CCDC7: variants seen among roughly 807,000 people sequenced by gnomAD.
The protein encoded by CCDC7 is coiled-coil domain-containing protein 7.
In CCDC7, 183 loss-of-function variants were observed where a neutral mutation model predicts 196.9. That is an observed-to-expected ratio of 0.93 (90% confidence interval 0.82 to 1.05). CCDC7 has a LOEUF of 1.05. CCDC7 is among the 50% of genes least tolerant of loss of function. The probability of loss-of-function intolerance (pLI) is 0.00; values close to 1 mark genes in which losing one functional copy is unlikely to be tolerated. For missense variants in CCDC7, 1,540 were observed against 1,482.2 expected, an observed-to-expected ratio of 1.04 and a Z score of -0.64; for synonymous variants, 525 against 484.6, an observed-to-expected ratio of 1.08 and a Z score of -1.10.
chr10:32,588,380 G>GTC (rs747276595), intron 18 of CCDC7, among the ~76,000 whole-genome samples: 3 of 27,218 alleles, frequency 1.1e-4, no homozygotes, highest in Non-Finnish European at 1.6e-4. Context: ...AACAGATTTT[G>GTC]TCACATGCAT....
chr10:32,705,888 C>G (rs1014430720), intron 24 of CCDC7, among the ~76,000 whole-genome samples: 3 of 152,120 alleles, frequency 2.0e-5, no homozygotes, highest in Non-Finnish European at 2.9e-5. Context: ...TAACACTCCA[C>G]TGTCAACATT....
chr10:32,523,994 A>G (rs934141395), intron 11 of CCDC7, among the ~76,000 whole-genome samples: 2 of 150,574 alleles, frequency 1.3e-5, no homozygotes, highest in African/African-American at 4.9e-5. Flanking sequence ...GTTATTATTC[A>G]TAAGTAGGGA....
chr10:32,679,021 A>T (rs901423003), intron 21 of CCDC7, among the ~76,000 whole-genome samples: 2 of 151,940 alleles, frequency 1.3e-5, no homozygotes, highest in African/African-American at 4.8e-5. Flanking sequence ...CTTATCAGAA[A>T]TTTTTTTTGA....
At chr10:32,755,436 G>A (rs994436727) in intron 28 of CCDC7, among the ~76,000 whole-genome samples, 1 of 151,816 alleles carries the variant, frequency 6.6e-6, no homozygotes, top group Non-Finnish European at 1.5e-5. Flanking sequence ...GGAAGGATTA[G>A]GGAGTAACAT....
intron 7 of CCDC7, among the ~76,000 whole-genome samples, chr10:32,472,975 C>T (rs1282280534): frequency 1.3e-5 from 2 of 152,122 alleles, no homozygotes; most frequent in Non-Finnish European, 2.9e-5. Context: ...TAAAATTATA[C>T]AATGGTAAAT....
chr10:32,806,975 C>T (rs1461189985), intron 30 of CCDC7, among the ~76,000 whole-genome samples: 1 of 152,118 alleles, frequency 6.6e-6, no homozygotes, highest in East Asian at 1.9e-4. Context: ...ACAGCACATT[C>T]AAAAAGCTAA....
intron 16 of CCDC7, chr10:32,574,302 A>T: frequency 2.0e-6 from 1 of 508,882 alleles, no homozygotes; most frequent in Non-Finnish European, 2.7e-6. Flanking sequence ...TAGGTTAATT[A>T]TTATATATTA....
chr10:32,605,914 A>C (rs961844465), intron 18 of CCDC7, among the ~76,000 whole-genome samples: 2 of 152,256 alleles, frequency 1.3e-5, no homozygotes, highest in Non-Finnish European at 2.9e-5. Context: ...AGAGATTTGC[A>C]TAGCAAAAAG....
chr10:32,798,861 A>T (rs2084182884), intron 29 of CCDC7, among the ~76,000 whole-genome samples: 1 of 152,126 alleles, frequency 6.6e-6, no homozygotes, highest in South Asian at 2.1e-4. Flanking sequence ...ATGCAGAATC[A>T]TCTGTGAACC....
At chr10:32,793,533 A>C (rs2083059732) in intron 29 of CCDC7, among the ~76,000 whole-genome samples, 1 of 152,238 alleles carries the variant, frequency 6.6e-6, no homozygotes, top group Non-Finnish European at 1.5e-5. Flanking sequence ...AAATCAAAAA[A>C]CATCTGAATG....
intron 9 of CCDC7, among the ~76,000 whole-genome samples, chr10:32,506,576 G>A (rs927620142): frequency 5.3e-5 from 8 of 152,208 alleles, no homozygotes; most frequent in African/African-American, 1.9e-4. Flanking sequence ...TGAGCATTGA[G>A]TGAGTGAGAC....
At chr10:32,567,670 G>A (rs780685764) in exon 15 of CCDC7, 3 of 1,603,658 alleles carry the variant, frequency 1.9e-6, no homozygotes, top group East Asian at 4.5e-5. Flanking sequence ...TTAAAAACAG[G>A]AAGCTGAAAA....
intron 20 of CCDC7, among the ~76,000 whole-genome samples, chr10:32,636,837 T>A: frequency 6.6e-6 from 1 of 152,184 alleles, no homozygotes; most frequent in Non-Finnish European, 1.5e-5. Context: ...TAGTTTACAG[T>A]CCCACCAACA....
At chr10:32,742,700 G>A (rs2086076303) in intron 28 of CCDC7, among the ~76,000 whole-genome samples, 1 of 152,178 alleles carries the variant, frequency 6.6e-6, no homozygotes, top group South Asian at 2.1e-4. Flanking sequence ...GGAAGTCCAA[G>A]ATCAATGTGC....
intron 22 of CCDC7, among the ~76,000 whole-genome samples, chr10:32,686,640 G>A (rs1421370125): frequency 1.3e-5 from 2 of 152,222 alleles, no homozygotes; most frequent in Non-Finnish European, 2.9e-5. Context: ...AGCAGAATAG[G>A]TTCACAAGTT....
chr10:32,565,157 A>G (rs2056575921), intron 13 of CCDC7, among the ~76,000 whole-genome samples: 1 of 152,204 alleles, frequency 6.6e-6, no homozygotes, highest in African/African-American at 2.4e-5. Context: ...AGTGTCTTTA[A>G]TTTGATGGAG....
chr10:32,608,864 C>A (rs2061803603), intron 18 of CCDC7, among the ~76,000 whole-genome samples: 1 of 152,172 alleles, frequency 6.6e-6, no homozygotes, highest in Admixed American at 6.5e-5. Flanking sequence ...ATCTTAATTT[C>A]TTCATTGATC....
At chr10:32,654,272 C>A (rs1429519128) in intron 20 of CCDC7, among the ~76,000 whole-genome samples, 1 of 152,102 alleles carries the variant, frequency 6.6e-6, no homozygotes, top group Non-Finnish European at 1.5e-5. Flanking sequence ...TTTATAATAG[C>A]TGATTTAGAA....
At chr10:32,703,902 A>G (rs531959057) in intron 24 of CCDC7, among the ~76,000 whole-genome samples, 17 of 152,066 alleles carry the variant, frequency 1.1e-4, no homozygotes, top group African/African-American at 3.9e-4. Flanking sequence ...TGGTTATTCT[A>G]GTTAGACATT....
Sources: gnomAD v4.1 joint callset for allele counts (sites outside exome capture counted in the v4.1 genomes callset) on GRCh38, gnomAD v4.1.1 for gene constraint, MANE v1.5 for transcripts, NCBI Gene and HGNC (gene_info 2026-07-23, HGNC 2026-07-21) for gene names.